The following TACR1 variants were observed in gnomAD, a reference collection of about 807,000 sequenced individuals.
TACR1 encodes the protein substance-P receptor.
Under a neutral mutation model 35.8 loss-of-function variants are expected in TACR1, and 25 were observed. The observed-to-expected ratio is 0.70, with a 90% CI of 0.51 to 0.98. The LOEUF (loss-of-function observed/expected upper bound fraction) is 0.98. TACR1 is among the 50% of genes least tolerant of loss of function. The pLI is 0.00. For missense variants in TACR1, 478 were observed against 522.9 expected, an observed-to-expected ratio of 0.91 and a Z score of 0.84; for synonymous variants, 195 against 206.7, an observed-to-expected ratio of 0.94 and a Z score of 0.48.
At chr2:75,096,595 C>T (rs1673430075) in intron 2 of TACR1, among the ~76,000 whole-genome samples, 1 of 152,138 alleles carries the variant, frequency 6.6e-6, no homozygotes, top group African/African-American at 2.4e-5. Flanking sequence ...GTAAACGACA[C>T]TTTGGTACAT....
chr2:75,062,891 G>T (rs569250179), intron 2 of TACR1, among the ~76,000 whole-genome samples: 1 of 151,938 alleles, frequency 6.6e-6, no homozygotes, highest in Admixed American at 6.5e-5. Flanking sequence ...TTTTATAATT[G>T]TATTAGTCTG....
intron 2 of TACR1, among the ~76,000 whole-genome samples, chr2:75,062,116 A>G (rs1672683781): frequency 6.6e-6 from 1 of 152,148 alleles, no homozygotes; most frequent in Non-Finnish European, 1.5e-5. Flanking sequence ...TCCAGCAAGA[A>G]GCCCTGTTGA....
At chr2:75,057,009 C>G (rs1672581179) in intron 2 of TACR1, among the ~76,000 whole-genome samples, 1 of 152,128 alleles carries the variant, frequency 6.6e-6, no homozygotes, top group Admixed American at 6.5e-5. Flanking sequence ...TGGAAACAAC[C>G]CAAATGCCCA....
intron 1 of TACR1, among the ~76,000 whole-genome samples, chr2:75,170,727 T>C (rs1483850242): frequency 6.6e-6 from 1 of 152,172 alleles, no homozygotes; most frequent in Admixed American, 6.5e-5. Flanking sequence ...AAGGTGGCTC[T>C]TATTATGTTT....
chr2:75,137,723 C>A (rs1183917334), intron 1 of TACR1, among the ~76,000 whole-genome samples: 1 of 106,634 alleles, frequency 9.4e-6, no homozygotes, highest in Non-Finnish European at 1.8e-5. Flanking sequence ...AGAGAGTCTC[C>A]GTCTCAAAAA....
intron 2 of TACR1, among the ~76,000 whole-genome samples, chr2:75,071,242 A>G (rs1406033162): frequency 1.3e-5 from 2 of 152,222 alleles, no homozygotes; most frequent in Admixed American, 6.5e-5. Context: ...AAAACTGTAA[A>G]GGGAAGGGGC....
intron 2 of TACR1, among the ~76,000 whole-genome samples, chr2:75,085,862 CTT>C (rs1353859090): frequency 5.3e-5 from 8 of 152,204 alleles, no homozygotes; most frequent in Non-Finnish European, 1.2e-4. Flanking sequence ...AACTCATTCT[CTT>C]TCTCTGATCC....
chr2:75,068,318 A>T (rs563824710), intron 2 of TACR1, among the ~76,000 whole-genome samples: 1 of 152,152 alleles, frequency 6.6e-6, no homozygotes, highest in Admixed American at 6.5e-5. Context: ...GGTCCCTCAC[A>T]TCATGGAGGG....
chr2:75,166,035 T>A (rs904771891), intron 1 of TACR1, among the ~76,000 whole-genome samples: 1 of 152,222 alleles, frequency 6.6e-6, no homozygotes, highest in African/African-American at 2.4e-5. Context: ...AATGTACATT[T>A]CCTAAAGGGA....
At chr2:75,146,310 A>T (rs1020170175) in intron 1 of TACR1, among the ~76,000 whole-genome samples, 5 of 152,110 alleles carry the variant, frequency 3.3e-5, no homozygotes, top group Non-Finnish European at 7.3e-5. Flanking sequence ...TTTAGTATAC[A>T]CAGTGTTTCA....
intron 2 of TACR1, among the ~76,000 whole-genome samples, chr2:75,087,781 C>G (rs141445986): frequency 4.9e-3 from 739 of 152,330 alleles, no homozygotes; most frequent in Middle Eastern, 0.014. Context: ...GGTCTATCCC[C>G]TTGGAAAATT....
intron 1 of TACR1, 50 bp downstream of exon 1, chr2:75,198,496 C>G: frequency 6.3e-7 from 1 of 1,589,102 alleles, no homozygotes; most frequent in Non-Finnish European, 8.6e-7. Flanking sequence ...ACAGCAATGC[C>G]GTGGTCCTCT....
intron 2 of TACR1, among the ~76,000 whole-genome samples, chr2:75,102,403 C>T (rs1400546224): frequency 9.9e-5 from 15 of 152,250 alleles, no homozygotes; most frequent in Admixed American, 3.9e-4. Flanking sequence ...AACTGATACA[C>T]GATCTTACTT....
chr2:75,108,491 T>G lies in TACR1; in HGVS notation c.584+12083A>C, dbSNP rs193128892. Reference sequence around the variant, plus strand: ...AATGTGTGACTATTGATAAACAGTCTTCTCAGCAGTTCATTGAACATTGAA... The same window carrying G: ...AATGTGTGACTATTGATAAACAGTCGTCTCAGCAGTTCATTGAACATTGAA... On this transcript the variant is annotated intron_variant, in intron 2 of 4. Coordinates refer to ENST00000305249, the MANE Select transcript of TACR1 (RefSeq NM_001058.4). Among the ~76,000 whole-genome samples, 1,052 of 152,308 alleles carry G rather than the reference T, an allele frequency of 6.9e-3. 3 individuals are homozygous for G. The highest frequency in any genetic ancestry group is 0.01 in the Non-Finnish European group (683 of 67,996).
intron 1 of TACR1, among the ~76,000 whole-genome samples, chr2:75,138,333 A>G (rs911074827): frequency 6.6e-6 from 1 of 152,194 alleles, no homozygotes; most frequent in Non-Finnish European, 1.5e-5. Flanking sequence ...GTACCATGAG[A>G]TAGTTCTACT....
intron 1 of TACR1, among the ~76,000 whole-genome samples, chr2:75,125,949 G>A (rs1369186046): frequency 6.6e-6 from 1 of 152,154 alleles, no homozygotes; most frequent in Non-Finnish European, 1.5e-5. Flanking sequence ...TTTAGGTTCA[G>A]GGGTACATGT....
chr2:75,152,029 C>A (rs1674685885), intron 1 of TACR1, among the ~76,000 whole-genome samples: 1 of 152,186 alleles, frequency 6.6e-6, no homozygotes, highest in African/African-American at 2.4e-5. Context: ...TGTATTTACC[C>A]AATATCTGTA....
intron 2 of TACR1, among the ~76,000 whole-genome samples, chr2:75,110,574 A>G (rs1054239401): frequency 2.6e-5 from 4 of 151,980 alleles, no homozygotes; most frequent in Non-Finnish European, 4.4e-5. Context: ...CACTAACTGC[A>G]CATATTACTT....
chr2:75,143,960 A>C, intron 1 of TACR1, among the ~76,000 whole-genome samples: 1 of 152,322 alleles, frequency 6.6e-6, no homozygotes, highest in Admixed American at 6.5e-5. Flanking sequence ...TGTAGAGGGA[A>C]TATTCTAATG....
Sources: allele counts gnomAD v4.1 joint callset (sites outside exome capture counted in the v4.1 genomes callset), GRCh38; gene constraint gnomAD v4.1.1; transcripts MANE v1.5; gene names NCBI Gene and HGNC (gene_info 2026-07-23, HGNC 2026-07-21).